The following MAPK8 variants were observed in gnomAD, a reference collection of about 807,000 sequenced individuals.
MAPK8 encodes the protein JUN N-terminal kinase.
MAPK8 carries 13 observed loss-of-function variants against 52.9 expected under a neutral mutation model. The ratio of observed to expected loss-of-function variants is 0.25; its 90% confidence interval spans 0.16 to 0.39. The LOEUF (loss-of-function observed/expected upper bound fraction) is 0.39. Ranked by LOEUF, MAPK8 falls within the 10% of genes least tolerant of loss-of-function variation. The pLI is 1.00. For synonymous variants in MAPK8, 191 were observed against 169.8 expected (o/e 1.12, Z -0.97); for missense variants, 300 against 519.2 (o/e 0.58, Z 4.10).
At chr10:48,413,492 T>C (rs1564603277) in intron 5 of MAPK8, among the ~76,000 whole-genome samples, 1 of 152,038 alleles carries the variant, frequency 6.6e-6, no homozygotes, top group Non-Finnish European at 1.5e-5. Flanking sequence ...GTGAGGTGGT[T>C]TCCTGTTTTT....
At chr10:48,362,612 C>T (rs1589072790) in intron 1 of MAPK8, among the ~76,000 whole-genome samples, 1 of 151,802 alleles carries the variant, frequency 6.6e-6, no homozygotes, top group East Asian at 1.9e-4. Flanking sequence ...TAGTTAAGAG[C>T]GATCTTACCA....
chr10:48,360,381 T>A (rs1054405683), intron 1 of MAPK8, among the ~76,000 whole-genome samples: 1 of 152,228 alleles, frequency 6.6e-6, no homozygotes. Context: ...TTGGTTTTTT[T>A]ATCACCTAAA....
chr10:48,315,996 T>TA (rs1397496855), intron 1 of MAPK8, among the ~76,000 whole-genome samples: 4 of 152,200 alleles, frequency 2.6e-5, no homozygotes, highest in African/African-American at 9.6e-5. Flanking sequence ...TGGGAATACT[T>TA]AAAGTAGTGT....
intron 8 of MAPK8, 68 bp downstream of exon 8, chr10:48,426,138 GTT>G (rs1650865485): frequency 1.5e-6 from 2 of 1,314,422 alleles, no homozygotes; most frequent in African/African-American, 3.0e-5. Context: ...GGGTTTGTGT[GTT>G]TATATGTATT....
At chr10:48,334,447 C>T (rs1169914025) in intron 1 of MAPK8, among the ~76,000 whole-genome samples, 1 of 152,144 alleles carries the variant, frequency 6.6e-6, no homozygotes, top group African/African-American at 2.4e-5. Context: ...ACACACTCGA[C>T]CTCCAAAAAT....
Position 48,364,598 on chromosome 10 carries a change from ATC to A in MAPK8, c.-49-37010_-49-37009del, listed in dbSNP as rs1408899405. Among the ~76,000 whole-genome samples the A allele has an allele frequency of 6.6e-5, 10 of 152,336 alleles. No homozygotes were observed. In the East Asian group the frequency reaches 1.7e-3, roughly 26 times the overall value. On this transcript the variant is annotated intron_variant, in intron 1 of 11. Coordinates refer to ENST00000374189, the MANE Select transcript of MAPK8 (RefSeq NM_001323329.2). ...AATAATTTGGAAGACAAGTACAAAT[ATC>A]TCTATTTACAGATGAAGAAACTAAG...
At chr10:48,385,364 A>AT (rs1377581393) in intron 1 of MAPK8, among the ~76,000 whole-genome samples, 1 of 152,160 alleles carries the variant, frequency 6.6e-6, no homozygotes, top group Non-Finnish European at 1.5e-5. Context: ...AAAACAAGCT[A>AT]TTTTTATTAT....
chr10:48,401,548 G>A (rs1473743869), intron 1 of MAPK8, 64 bp from the exon 2 acceptor site: 1 of 1,063,884 alleles, frequency 9.4e-7, no homozygotes. Flanking sequence ...AAACAGTAAG[G>A]ACTCAAATTT....
At chr10:48,391,507 GC>G (rs1268618444) in intron 1 of MAPK8, among the ~76,000 whole-genome samples, 1 of 152,108 alleles carries the variant, frequency 6.6e-6, no homozygotes, top group Non-Finnish European at 1.5e-5. Context: ...TATCCTTAAT[GC>G]CCTTATCTTG....
intron 1 of MAPK8, among the ~76,000 whole-genome samples, chr10:48,332,267 T>G (rs1221420492): frequency 6.6e-6 from 1 of 152,236 alleles, no homozygotes; most frequent in Non-Finnish European, 1.5e-5. Context: ...TGAAATGGTC[T>G]TAGTCTGGGA....
chr10:48,384,673 A>G (rs1356376310), intron 1 of MAPK8, among the ~76,000 whole-genome samples: 1 of 152,232 alleles, frequency 6.6e-6, no homozygotes, highest in East Asian at 1.9e-4. Flanking sequence ...CCCAAATAAA[A>G]TGTACACCTT....
In MAPK8 at chr10:48,435,290, G is replaced by A; in HGVS notation, c.*261G>A. 3.0e-6 allele frequency: 1 copy of A among 338,870 alleles called. No homozygotes were observed. Among genetic ancestry groups the A allele is most frequent in the Non-Finnish European group, 5.3e-6 (1 of 189,638 alleles). 21.0% of individuals were successfully genotyped at this position (338,870 alleles called of 1,614,324 possible). Reference sequence around the variant, plus strand: ...AATGTAAACCTAATTATTTTATCATGGTTTAAATTTTTTGCATATTTGCTT... The same window carrying A: ...AATGTAAACCTAATTATTTTATCATAGTTTAAATTTTTTGCATATTTGCTT... On this transcript the variant is annotated 3_prime_UTR_variant, in exon 12 of 12. Transcript: ENST00000374189.
chr10:48,324,286 T>C (rs1261240855), intron 1 of MAPK8, among the ~76,000 whole-genome samples: 1 of 152,312 alleles, frequency 6.6e-6, no homozygotes, highest in Non-Finnish European at 1.5e-5. Context: ...TTTCCATAGC[T>C]CTTGTGAAGG....
chr10:48,375,833 A>G (rs1258571603), intron 1 of MAPK8, among the ~76,000 whole-genome samples: 1 of 152,200 alleles, frequency 6.6e-6, no homozygotes, highest in East Asian at 1.9e-4. Context: ...TTGTAGATTC[A>G]TTGATATCCC....
At chr10:48,375,874 A>G (rs555545830) in intron 1 of MAPK8, among the ~76,000 whole-genome samples, 5 of 152,336 alleles carry the variant, frequency 3.3e-5, no homozygotes, top group Admixed American at 3.3e-4. Flanking sequence ...TCTTCACAGA[A>G]TTAGAAGAAA....
chr10:48,363,019 G>A (rs149684918), intron 1 of MAPK8, among the ~76,000 whole-genome samples: 79 of 152,210 alleles, frequency 5.2e-4, no homozygotes, highest in African/African-American at 1.9e-3. Context: ...GATTACAGGC[G>A]TGAACCGCCA....
intron 1 of MAPK8, among the ~76,000 whole-genome samples, chr10:48,327,633 T>A (rs1282014469): frequency 6.6e-6 from 1 of 152,256 alleles, no homozygotes; most frequent in Admixed American, 6.5e-5. Context: ...GTTTTTATTT[T>A]CTGCAAGAGA....
intron 1 of MAPK8, among the ~76,000 whole-genome samples, chr10:48,336,722 G>T (rs1844725893): frequency 6.6e-6 from 1 of 152,108 alleles, no homozygotes; most frequent in Non-Finnish European, 1.5e-5. Context: ...CTGGAAAACT[G>T]CTGTACACAT....
At chr10:48,406,062 ATTTCTGTGAGC>A (rs1224595156) in intron 3 of MAPK8, among the ~76,000 whole-genome samples, 12 of 152,174 alleles carry the variant, frequency 7.9e-5, no homozygotes, top group Non-Finnish European at 1.8e-4. Flanking sequence ...AAGAGGGACG[ATTTCTGTGAGC>A]TTTAATTAAC....
Sources: allele counts gnomAD v4.1 joint callset (sites outside exome capture counted in the v4.1 genomes callset), GRCh38; gene constraint gnomAD v4.1.1; transcripts MANE v1.5; gene names NCBI Gene and HGNC (gene_info 2026-07-23, HGNC 2026-07-21).